Variants in PDE1C observed in about 807,000 individuals in gnomAD.
PDE1C encodes phosphodiesterase 1C.
Under a neutral mutation model 93.1 loss-of-function variants are expected in PDE1C, and 62 were observed. The ratio of observed to expected loss-of-function variants is 0.67; its 90% CI spans 0.54 to 0.82. The LOEUF is 0.82. Ranked by LOEUF, PDE1C falls within the 40% of genes least tolerant of loss-of-function variation. PDE1C has a pLI of 0.00. For synonymous variants in PDE1C, 325 were observed against 310.1 expected, an observed-to-expected ratio of 1.05 and a Z score of -0.50; for missense variants, 742 against 884.6, an observed-to-expected ratio of 0.84 and a Z score of 2.04.
chr7:31,979,944 A>G (rs765443218), intron 2 of PDE1C, among the ~76,000 whole-genome samples: 11 of 152,218 alleles, frequency 7.2e-5, no homozygotes, highest in Non-Finnish European at 1.5e-4. Flanking sequence ...TTATCCTGAC[A>G]GCAGGGGTGA....
At chr7:32,094,300 A>G (rs1441902610) in intron 3 of PDE1C, among the ~76,000 whole-genome samples, 1 of 152,158 alleles carries the variant, frequency 6.6e-6, no homozygotes, top group Non-Finnish European at 1.5e-5. Flanking sequence ...CCTCCTCTCA[A>G]AAACCCACAC....
intron 1 of PDE1C, among the ~76,000 whole-genome samples, chr7:32,372,598 A>C (rs1393036152): frequency 6.6e-6 from 1 of 152,150 alleles, no homozygotes; most frequent in Non-Finnish European, 1.5e-5. Context: ...ATGACACCAA[A>C]CAACCCACAA....
At chr7:31,675,955 C>T in the PDE1C span, among the ~76,000 whole-genome samples, 2 of 152,134 alleles carry the variant, frequency 1.3e-5, no homozygotes, top group African/African-American at 2.4e-5. Context: ...GAATCTACCA[C>T]CTGAGACATG....
chr7:31,846,188 C>A (rs527516313), intron 9 of PDE1C, among the ~76,000 whole-genome samples: 2 of 151,128 alleles, frequency 1.3e-5, no homozygotes, highest in Admixed American at 6.6e-5. Flanking sequence ...TCCAAACATA[C>A]GTATGCTACT....
intron 1 of PDE1C, among the ~76,000 whole-genome samples, chr7:32,387,676 G>A (rs1430362078): frequency 7.0e-6 from 1 of 143,592 alleles, no homozygotes; most frequent in African/African-American, 2.6e-5. Flanking sequence ...GCCGGGCGGG[G>A]GGCTGACCCC....
chr7:31,898,927 C>T (rs1489912682), intron 2 of PDE1C, among the ~76,000 whole-genome samples: 1 of 152,168 alleles, frequency 6.6e-6, no homozygotes, highest in Non-Finnish European at 1.5e-5. Context: ...CCATCTTTCA[C>T]TAGCGTGGCT....
At chr7:31,690,777 G>T in the PDE1C span, among the ~76,000 whole-genome samples, 1 of 152,170 alleles carries the variant, frequency 6.6e-6, no homozygotes, top group Non-Finnish European at 1.5e-5. Flanking sequence ...TAGTAAGTGC[G>T]TGGCTTCAAA....
At chr7:31,693,999 C>T in the PDE1C span, among the ~76,000 whole-genome samples, 25 of 152,238 alleles carry the variant, frequency 1.6e-4, no homozygotes, top group African/African-American at 2.4e-4. Flanking sequence ...TGAATCCTAA[C>T]GGAATAGTTT....
At chr7:31,938,250 A>G (rs1346378563) in intron 2 of PDE1C, among the ~76,000 whole-genome samples, 1 of 151,940 alleles carries the variant, frequency 6.6e-6, no homozygotes, top group Non-Finnish European at 1.5e-5. Context: ...TTAATCTAGT[A>G]GCCTAGGAAA....
chr7:32,125,650 T>C (rs1335693544), intron 3 of PDE1C, among the ~76,000 whole-genome samples: 1 of 151,596 alleles, frequency 6.6e-6, no homozygotes, highest in Non-Finnish European at 1.5e-5. Context: ...TTCTCACTCA[T>C]AAGCAGGAGT....
chr7:32,405,183 T>C (rs536383922), intron 1 of PDE1C, among the ~76,000 whole-genome samples: 12 of 152,284 alleles, frequency 7.9e-5, no homozygotes, highest in Non-Finnish European at 1.6e-4. Context: ...GGATGAAGTC[T>C]TCAAAGAGAT....
At chr7:31,837,096 G>A in intron 11 of PDE1C, 84 bp downstream of exon 11, 1 of 1,405,602 alleles carries the variant, frequency 7.1e-7, no homozygotes, top group East Asian at 2.4e-5. Flanking sequence ...AATCTCAATA[G>A]TCCTTATCCT....
At chr7:32,349,982 C>T (rs1276397777) in intron 1 of PDE1C, among the ~76,000 whole-genome samples, 1 of 152,206 alleles carries the variant, frequency 6.6e-6, no homozygotes, top group African/African-American at 2.4e-5. Context: ...GCAATAAGTT[C>T]CTGTACTCTG....
At chr7:31,893,417 A>C (rs1798888805) in intron 2 of PDE1C, 6 of 897,566 alleles carry the variant, frequency 6.7e-6, no homozygotes, top group Middle Eastern at 5.6e-4. Context: ...AAAAGCCTAA[A>C]GCTTTTTCAT....
chr7:31,994,582 G>T (rs1259569233), intron 2 of PDE1C, among the ~76,000 whole-genome samples: 1 of 152,086 alleles, frequency 6.6e-6, no homozygotes, highest in African/African-American at 2.4e-5. Flanking sequence ...TATATAGCAG[G>T]CTATGCAAAG....
intron 3 of PDE1C, among the ~76,000 whole-genome samples, chr7:32,154,899 C>T (rs1801474048): frequency 6.6e-6 from 1 of 152,242 alleles, no homozygotes; most frequent in Non-Finnish European, 1.5e-5. Context: ...CCTAGTTCTC[C>T]AGCCCAGCAG....
Position 32,422,216 on chromosome 7 carries a change from C to A in PDE1C, c.310+5606G>T, listed in dbSNP as rs558367532. Among the ~76,000 whole-genome samples the A allele has an allele frequency of 2.6e-5, 4 of 152,274 alleles. No individual in the cohort carries two copies. In the South Asian group the frequency reaches 8.3e-4, roughly 32 times the overall value. ...TAGATTAACTCAGCGCAGGGACACA[C>A]GTTGCAGGTGCTACAAATGTTGAAG... On this transcript the variant is annotated intron_variant, in intron 1 of 1. Transcript: ENST00000672256.
intron 1 of PDE1C, among the ~76,000 whole-genome samples, chr7:32,344,688 T>C (rs1054589656): frequency 6.6e-6 from 1 of 151,288 alleles, no homozygotes; most frequent in Non-Finnish European, 1.5e-5. Flanking sequence ...ATCCCTGCTA[T>C]TTTTTTTTCC....
At chr7:31,867,765 G>A (rs1795476201) in intron 6 of PDE1C, among the ~76,000 whole-genome samples, 1 of 152,170 alleles carries the variant, frequency 6.6e-6, no homozygotes, top group Admixed American at 6.5e-5. Flanking sequence ...ACCAGTGCAA[G>A]TGTAGAACTC....
Sources: gnomAD v4.1 joint callset for allele counts (sites outside exome capture counted in the v4.1 genomes callset) on GRCh38, gnomAD v4.1.1 for gene constraint, MANE v1.5 for transcripts, NCBI Gene and HGNC (gene_info 2026-07-23, HGNC 2026-07-21) for gene names.